TDRD7: variants seen among roughly 807,000 people sequenced by gnomAD.
TDRD7 encodes tudor domain containing 7.
TDRD7 carries 47 observed loss-of-function variants against 109.8 expected under a neutral mutation model. The ratio of observed to expected loss-of-function variants is 0.43; its 90% CI spans 0.34 to 0.55. The LOEUF (loss-of-function observed/expected upper bound fraction) is 0.55. TDRD7 is among the 20% of genes least tolerant of loss of function. TDRD7 has a pLI of 0.03. For missense variants in TDRD7, 1,164 were observed against 1,319.2 expected, an observed-to-expected ratio of 0.88 and a Z score of 1.82; for synonymous variants, 424 against 457.3, an observed-to-expected ratio of 0.93 and a Z score of 0.93.
intron 6 of TDRD7, among the ~76,000 whole-genome samples, chr9:97,452,674 T>C (rs1026892411): frequency 1.3e-5 from 2 of 152,236 alleles, no homozygotes; most frequent in Non-Finnish European, 2.9e-5. Context: ...AAATTCACTT[T>C]ATAGGCTGAC....
At chr9:97,418,264 G>A (rs1236817642) in intron 1 of TDRD7, among the ~76,000 whole-genome samples, 1 of 152,170 alleles carries the variant, frequency 6.6e-6, no homozygotes, top group Non-Finnish European at 1.5e-5. Flanking sequence ...AGGTTGGATA[G>A]GGTGGGAAAA....
chr9:97,457,452 C>T (rs4743097), intron 6 of TDRD7, among the ~76,000 whole-genome samples: 79,196 of 151,882 alleles, frequency 0.52, 20,863 homozygotes, highest in African/African-American at 0.59. Context: ...GATCTTGGCT[C>T]ACTGCAACCT....
chr9:97,480,002 T>TC (rs1452276591), intron 13 of TDRD7, among the ~76,000 whole-genome samples: 2 of 151,796 alleles, frequency 1.3e-5, no homozygotes, highest in African/African-American at 4.8e-5. Context: ...TGACCTCCTC[T>TC]CCAACAAGAA....
chr9:97,487,139 T>C, intron 15 of TDRD7, 33 bp from the exon 16 acceptor site: 1 of 1,613,220 alleles, frequency 6.2e-7, no homozygotes, highest in Non-Finnish European at 8.5e-7. Context: ...GTTTATGTGT[T>C]TTCTCTTCCT....
At chr9:97,451,237 T>C (rs193051723) in intron 6 of TDRD7, among the ~76,000 whole-genome samples, 5 of 152,150 alleles carry the variant, frequency 3.3e-5, no homozygotes, top group African/African-American at 1.2e-4. Context: ...CATCTCTTCA[T>C]TGGTATTTTT....
chr9:97,418,450 T>C (rs1489826460), intron 1 of TDRD7, among the ~76,000 whole-genome samples: 1 of 152,018 alleles, frequency 6.6e-6, no homozygotes, highest in Non-Finnish European at 1.5e-5. Context: ...AAGCAAGCAT[T>C]AGGCAAAGCT....
chr9:97,491,865 C>T (rs79882915), intron 16 of TDRD7, among the ~76,000 whole-genome samples: 61 of 152,318 alleles, frequency 4.0e-4, no homozygotes, highest in African/African-American at 1.4e-3. Context: ...AGATTTTTCC[C>T]TGATATTCAC....
chr9:97,432,235 A>G lies in TDRD7; in HGVS notation c.560A>G (p.Asn187Ser), dbSNP rs759702513. The change falls in exon 4 of 17, where the codon AAC becomes AGC. Residue 187 changes from asparagine (N) to serine (S), a missense_variant. By Grantham distance (46) the Asn-to-Ser change is conservative (BLOSUM62 1). Around this residue, in one of 5 missense-constraint regions of TDRD7, gnomAD observed 407 missense variants for 394.0 expected, o/e 1.03. Transcript: ENST00000355295. ...VQRHVTMSTNNRFSPKASLQP... is the reference protein window; with the variant it reads ...VQRHVTMSTNSRFSPKASLQP... ...AGGCATGTGACCATGTCCACCAACAACAGGTATTTGGCCTCTGACTCACAG... is the reference window on the plus strand; with the variant it reads ...AGGCATGTGACCATGTCCACCAACAGCAGGTATTTGGCCTCTGACTCACAG... 1.9e-6 allele frequency: 3 copies of G among 1,613,592 alleles called. No homozygotes were observed. The highest frequency in any genetic ancestry group is 1.7e-5 in the Admixed American group (1 of 59,954).
At chr9:97,467,833 G>C (rs1474244321) in intron 8 of TDRD7, among the ~76,000 whole-genome samples, 1 of 152,226 alleles carries the variant, frequency 6.6e-6, no homozygotes, top group South Asian at 2.1e-4. Context: ...CAGCTACCTT[G>C]TAACCTGGAT....
intron 1 of TDRD7, among the ~76,000 whole-genome samples, chr9:97,418,230 A>G (rs1827842345): frequency 6.6e-6 from 1 of 152,222 alleles, no homozygotes; most frequent in South Asian, 2.1e-4. Context: ...TGACAATGCC[A>G]AGAAATCAAG....
rs1038123168 is a variant in TDRD7, at chr9:97,482,954, G to A, written c.2518G>A (p.Asp840Asn). 6 of 1,614,062 alleles carry A rather than the reference G, an allele frequency of 3.7e-6. No individual in the cohort carries two copies. The highest frequency in any genetic ancestry group is 5.1e-6 in the Non-Finnish European group (6 of 1,180,042). ...RSINRQITNA[D>N]LWKHQKDVFL... ...TATTAATCGCCAGATTACAAATGCAGACTTGTGGAAGCATCAGAAGGATGT... is the reference window on the plus strand; with the variant it reads ...TATTAATCGCCAGATTACAAATGCAAACTTGTGGAAGCATCAGAAGGATGT... The change falls in exon 15 of 17, where the codon GAC (aspartate) becomes AAC (asparagine). Residue 840 changes from aspartate (D) to asparagine (N), a missense_variant. Asp to Asn is a conservative substitution (Grantham distance 23, BLOSUM62 1). Around this residue, in one of 5 missense-constraint regions of TDRD7, gnomAD observed 233 missense variants for 218.0 expected, o/e 1.07. Coordinates refer to ENST00000355295, the MANE Select transcript of TDRD7 (RefSeq NM_014290.3).
At chr9:97,431,212 C>G (rs1484452809) in intron 3 of TDRD7, 138 bp downstream of exon 3, 6 of 1,313,494 alleles carry the variant, frequency 4.6e-6, no homozygotes, top group African/African-American at 4.5e-5. Context: ...GATCCTGAAG[C>G]TAGCATTTCC....
In TDRD7 at chr9:97,472,471, C is replaced by T. The variant is rs746668393; in HGVS notation, c.1920C>T (p.Asp640=). ...CCACCTGCTTGAAGGCTATATGTGA[C>T]AAGTCACTAGAGGTTCACCTGCAGG... ...INATCLKAIC[D]KSLEVHLQVD... is the part of the protein sequence containing the mutation. The change falls in exon 10 of 17, where the codon GAC becomes GAT. Residue 640 remains aspartate (D), a synonymous_variant. Transcript: ENST00000355295. 3.1e-6 allele frequency: 5 copies of T among 1,613,526 alleles called. No individual in the cohort carries two copies. The African/African-American group carries it at 6.7e-5, about 22-fold the overall frequency.
intron 12 of TDRD7, 24 bp from the exon 13 acceptor site, chr9:97,478,415 G>A (rs1181775638): frequency 6.2e-7 from 1 of 1,613,840 alleles, no homozygotes; most frequent in Non-Finnish European, 8.5e-7. Flanking sequence ...GCTAATAAAT[G>A]AGCCAACACT....
intron 6 of TDRD7, among the ~76,000 whole-genome samples, chr9:97,456,076 C>T (rs11506775): frequency 0.63 from 96,176 of 151,906 alleles, 30,835 homozygotes; most frequent in Admixed American, 0.7. Context: ...CATTGGCGAT[C>T]GCTACAAAGA....
chr9:97,412,941 T>A lies in TDRD7; in HGVS notation c.-7+703T>A, dbSNP rs1827744621. 6.6e-6 allele frequency among the ~76,000 whole-genome samples: 1 copy of A among 152,216 alleles called. No homozygotes were observed. Among genetic ancestry groups the A allele is most frequent in the South Asian group, 2.1e-4 (1 of 4,830 alleles). On this transcript the variant is annotated intron_variant, in intron 1 of 16. Transcript: ENST00000355295. The surrounding 1 kb of genome is among the most constrained non-coding windows in gnomAD (Gnocchi z 4.3). ...GGAGCTTGGAGCCGGCATATCTTTC[T>A]GCTCCCATTCACTTGAGAGGTATAT...
At chr9:97,495,073 T>A (rs1829374565) in intron 16 of TDRD7, among the ~76,000 whole-genome samples, 1 of 152,180 alleles carries the variant, frequency 6.6e-6, no homozygotes, top group Non-Finnish European at 1.5e-5. Flanking sequence ...TAACTTGATT[T>A]CTCATGATCT....
In TDRD7 at chr9:97,465,131, A is replaced by G. The variant is rs921581743; in HGVS notation, c.1629+103A>G. ...TTTTGAAATTTAAATGTTGTATCCTATAATTAAATGTAGTTTTCAATGGAA... is the reference window on the plus strand; with the variant it reads ...TTTTGAAATTTAAATGTTGTATCCTGTAATTAAATGTAGTTTTCAATGGAA... On this transcript the variant is annotated intron_variant, in intron 8 of 16. Coordinates refer to ENST00000355295, the MANE Select transcript of TDRD7 (RefSeq NM_014290.3). 4 of 1,379,190 alleles carry G rather than the reference A, an allele frequency of 2.9e-6. No homozygotes were observed. In the African/African-American group the frequency reaches 4.4e-5, roughly 15 times the overall value. 85.4% of individuals were successfully genotyped at this position (1,379,190 alleles called of 1,614,324 possible).
At chr9:97,465,095 A>G in intron 8 of TDRD7, 67 bp downstream of exon 8, 1 of 1,527,354 alleles carries the variant, frequency 6.5e-7, no homozygotes, top group Non-Finnish European at 8.8e-7. Flanking sequence ...AAATGTAAAT[A>G]TTTTTTACAT....
Sources: allele counts gnomAD v4.1 joint callset (sites outside exome capture counted in the v4.1 genomes callset), GRCh38; gene constraint gnomAD v4.1.1; regional missense constraint gnomAD v4.1.1; non-coding constraint Gnocchi (gnomAD v3.1); transcripts MANE v1.5; gene names NCBI Gene and HGNC (gene_info 2026-07-23, HGNC 2026-07-21).